DSCAM: variants seen among roughly 807,000 people sequenced by gnomAD.
DSCAM encodes DS cell adhesion molecule.
DSCAM carries 47 observed loss-of-function variants against 217.7 expected under a neutral mutation model. That is an observed-to-expected ratio of 0.22 (90% CI 0.17 to 0.28). The LOEUF is 0.28. Among genes scored for constraint, DSCAM ranks in the 10% least tolerant of loss-of-function variants. The pLI, the probability that DSCAM is intolerant of heterozygous loss-of-function variation, is 1.00. For missense variants in DSCAM, 2,080 were observed against 2,618.3 expected, an observed-to-expected ratio of 0.79 and a Z score of 4.49; for synonymous variants, 1,056 against 1,015.3, an observed-to-expected ratio of 1.04 and a Z score of -0.76.
At chr21:40,641,922 C>G (rs1045890243) in intron 3 of DSCAM, among the ~76,000 whole-genome samples, 1 of 151,930 alleles carries the variant, frequency 6.6e-6, no homozygotes, top group African/African-American at 2.4e-5. Flanking sequence ...GTGGCCAGTG[C>G]CTGTAATCCC....
At chr21:40,599,523 G>A (rs757593674) in intron 3 of DSCAM, among the ~76,000 whole-genome samples, 25 of 151,954 alleles carry the variant, frequency 1.6e-4, no homozygotes, top group Non-Finnish European at 2.5e-4. Flanking sequence ...ATCTCAAATC[G>A]ACACCCTAAC....
chr21:40,090,845 C>A (rs1321119459), intron 21 of DSCAM, among the ~76,000 whole-genome samples: 1 of 152,176 alleles, frequency 6.6e-6, no homozygotes, highest in Non-Finnish European at 1.5e-5. Flanking sequence ...TCTTCGTCAC[C>A]TTGGATTGAA....
chr21:40,714,819 T>C (rs952424731), intron 1 of DSCAM, among the ~76,000 whole-genome samples: 2 of 152,218 alleles, frequency 1.3e-5, no homozygotes, highest in African/African-American at 4.8e-5. Context: ...CAGGGCAGAA[T>C]ACCACGATTT....
At chr21:40,463,760 C>T (rs2075823436) in intron 3 of DSCAM, among the ~76,000 whole-genome samples, 1 of 152,206 alleles carries the variant, frequency 6.6e-6, no homozygotes, top group Non-Finnish European at 1.5e-5. Context: ...CCATCATTAA[C>T]ATCTGCTTCC....
At chr21:40,224,335 G>A (rs543424979) in intron 11 of DSCAM, among the ~76,000 whole-genome samples, 185 of 152,260 alleles carry the variant, frequency 1.2e-3, no homozygotes, top group Middle Eastern at 3.4e-3. Flanking sequence ...AAATGTCTCT[G>A]GTATTTACAC....
chr21:40,083,750 T>C, intron 24 of DSCAM, among the ~76,000 whole-genome samples, 158 bp downstream of exon 24: 1 of 152,206 alleles, frequency 6.6e-6, no homozygotes. Flanking sequence ...AAAATAAATG[T>C]ATGGTTTCTT....
In DSCAM at chr21:40,031,573, GAGA is replaced by G. The variant is rs564838855; in HGVS notation, c.5686+10795_5686+10797del. On this transcript the variant is annotated intron_variant, in intron 32 of 32. Coordinates refer to ENST00000400454, the MANE Select transcript of DSCAM (RefSeq NM_001389.5). ...TGAAGACATGAGACAGGCAAATCTT[GAGA>G]AGGTCAAGAAATAATACAAAGCCCA... Among the ~76,000 whole-genome samples, 187 of 152,230 alleles carry G rather than the reference GAGA, an allele frequency of 1.2e-3. 3 individuals are homozygous for G. The highest frequency in any genetic ancestry group is 5.0e-4 in the Non-Finnish European group (34 of 67,998).
chr21:40,192,568 T>C (rs1162813614), intron 11 of DSCAM, among the ~76,000 whole-genome samples: 1 of 152,226 alleles, frequency 6.6e-6, no homozygotes, highest in Non-Finnish European at 1.5e-5. Flanking sequence ...CCTCCTTCCT[T>C]TATAAATTAC....
chr21:40,134,372 G>T (rs1474511895), intron 18 of DSCAM, among the ~76,000 whole-genome samples: 1 of 152,104 alleles, frequency 6.6e-6, no homozygotes, highest in Non-Finnish European at 1.5e-5. Flanking sequence ...GCACACTTAG[G>T]GCGACACACA....
chr21:40,342,648 A>ATATATATATATATATATATATT (rs61637421), intron 6 of DSCAM, among the ~76,000 whole-genome samples: 5 of 80,306 alleles, frequency 6.2e-5, no homozygotes, highest in African/African-American at 2.1e-4. Flanking sequence ...ATATATATAT[A>ATATATATATATATATATATATT]TTTTTTTTTT....
chr21:40,725,581 A>G (rs1166833472), intron 1 of DSCAM, among the ~76,000 whole-genome samples: 1 of 152,250 alleles, frequency 6.6e-6, no homozygotes, highest in Non-Finnish European at 1.5e-5. Context: ...CAAAGGGGGC[A>G]TTGTCATCCT....
chr21:40,682,606 A>T, intron 3 of DSCAM, among the ~76,000 whole-genome samples: 1 of 35,442 alleles, frequency 2.8e-5, no homozygotes, highest in Non-Finnish European at 5.9e-5. Flanking sequence ...AAAGAGAGAA[A>T]GAAAGAAAGA....
At chr21:40,538,366 C>T (rs1048334730) in intron 3 of DSCAM, among the ~76,000 whole-genome samples, 5 of 152,106 alleles carry the variant, frequency 3.3e-5, no homozygotes, top group South Asian at 2.1e-4. Flanking sequence ...CTGTAGGACC[C>T]GGAGCTGTTG....
At chr21:40,616,623 G>A (rs1372988908) in intron 3 of DSCAM, among the ~76,000 whole-genome samples, 1 of 152,166 alleles carries the variant, frequency 6.6e-6, no homozygotes, top group African/African-American at 2.4e-5. Flanking sequence ...TGGTGCATTT[G>A]TTTTCCTTGC....
intron 18 of DSCAM, among the ~76,000 whole-genome samples, chr21:40,140,934 C>CGG (rs34586498): frequency 2.5e-4 from 37 of 149,442 alleles, no homozygotes; most frequent in African/African-American, 8.8e-4. Context: ...CCAAGGAGGG[C>CGG]GGGGGGGGGT....
chr21:40,744,511 C>T lies in DSCAM; in HGVS notation c.44-35740G>A, dbSNP rs543666575. 1.8e-4 allele frequency among the ~76,000 whole-genome samples: 27 copies of T among 152,106 alleles called. No homozygotes were observed. The East Asian group carries it at 2.1e-3, about 12-fold the overall frequency. On this transcript the variant is annotated intron_variant, in intron 1 of 32. Transcript: ENST00000400454. The stretch of plus-strand genomic sequence containing the variant: ...GTTCCAGTACGTATTTAAGTCTTTC[C>T]CAGACCAGGAAACAATAGTAGAGTA...
chr21:40,395,020 TCAAA>T (rs1484891362), intron 3 of DSCAM, among the ~76,000 whole-genome samples: 1 of 152,212 alleles, frequency 6.6e-6, no homozygotes, highest in Non-Finnish European at 1.5e-5. Flanking sequence ...ATTTGAGTGG[TCAAA>T]CAATGTCGTT....
At chr21:40,242,733 G>A (rs1342765636) in intron 11 of DSCAM, among the ~76,000 whole-genome samples, 1 of 152,198 alleles carries the variant, frequency 6.6e-6, no homozygotes, top group East Asian at 1.9e-4. Flanking sequence ...CTGGGATCCT[G>A]AGCCCACAAT....
At chr21:40,234,488 A>G (rs1224016667) in intron 11 of DSCAM, among the ~76,000 whole-genome samples, 2 of 152,210 alleles carry the variant, frequency 1.3e-5, no homozygotes, top group Non-Finnish European at 2.9e-5. Flanking sequence ...GCTTTTCCAT[A>G]CTTGGTAATG....
Sources: allele counts gnomAD v4.1 joint callset (sites outside exome capture counted in the v4.1 genomes callset), GRCh38; gene constraint gnomAD v4.1.1; transcripts MANE v1.5; gene names NCBI Gene and HGNC (gene_info 2026-07-23, HGNC 2026-07-21).